The following MAGI2 variants were observed in gnomAD, a reference collection of about 807,000 sequenced individuals.
MAGI2 encodes membrane-associated guanylate kinase, WW and PDZ domain-containing protein 2.
In MAGI2, 35 loss-of-function variants were observed where a neutral mutation model predicts 133.3. The ratio of observed to expected loss-of-function variants is 0.26; its 90% confidence interval spans 0.20 to 0.35. The LOEUF is 0.35. MAGI2 is among the 10% of genes least tolerant of loss of function. The probability of loss-of-function intolerance (pLI) is 1.00; values close to 1 mark genes in which losing one functional copy is unlikely to be tolerated. For synonymous variants in MAGI2, 729 were observed against 710.6 expected, an observed-to-expected ratio of 1.03 and a Z score of -0.41; for missense variants, 1,636 against 1,863.4, an observed-to-expected ratio of 0.88 and a Z score of 2.25.
chr7:78,189,453 G>T (rs1351153782), intron 12 of MAGI2, among the ~76,000 whole-genome samples: 2 of 152,158 alleles, frequency 1.3e-5, no homozygotes, highest in African/African-American at 4.8e-5. Context: ...ACATTTCAGA[G>T]AAATTTCTGT....
intron 10 of MAGI2, among the ~76,000 whole-genome samples, chr7:78,225,421 T>C (rs1186926770): frequency 6.6e-6 from 1 of 152,140 alleles, no homozygotes; most frequent in Non-Finnish European, 1.5e-5. Flanking sequence ...ACAGTCACCA[T>C]TCACTGCAGC....
At chr7:78,984,357 A>G (rs1477807121) in intron 2 of MAGI2, among the ~76,000 whole-genome samples, 2 of 151,826 alleles carry the variant, frequency 1.3e-5, no homozygotes, top group Non-Finnish European at 2.9e-5. Flanking sequence ...AAAACCATCC[A>G]TCTCACTCAA....
intron 21 of MAGI2, chr7:78,072,851 A>C (rs191924296): frequency 2.5e-6 from 1 of 398,234 alleles, no homozygotes; most frequent in South Asian, 1.3e-4. Flanking sequence ...TGTAGAGACA[A>C]GGTCTCCCTA....
chr7:79,428,074 C>A (rs1847518642), intron 1 of MAGI2, among the ~76,000 whole-genome samples: 1 of 151,996 alleles, frequency 6.6e-6, no homozygotes, highest in Non-Finnish European at 1.5e-5. Context: ...ACTGGGAAAT[C>A]AAAAGGTAGA....
At chr7:78,726,359 A>G (rs1820808339) in intron 2 of MAGI2, among the ~76,000 whole-genome samples, 1 of 152,228 alleles carries the variant, frequency 6.6e-6, no homozygotes, top group African/African-American at 2.4e-5. Context: ...CATTATATCT[A>G]AATGTGCTAA....
chr7:78,213,767 G>T (rs1248872372), intron 10 of MAGI2, among the ~76,000 whole-genome samples: 1 of 152,230 alleles, frequency 6.6e-6, no homozygotes, highest in African/African-American at 2.4e-5. Flanking sequence ...TCATGCGACA[G>T]TGTTGGGGTG....
chr7:78,968,659 CATTA>C (rs1803529415), intron 2 of MAGI2, among the ~76,000 whole-genome samples: 1 of 151,996 alleles, frequency 6.6e-6, no homozygotes, highest in Non-Finnish European at 1.5e-5. Context: ...TACTATATCA[CATTA>C]AGCAAATATG....
chr7:79,313,802 C>CT (rs34753875), intron 1 of MAGI2, among the ~76,000 whole-genome samples: 89 of 138,668 alleles, frequency 6.4e-4, no homozygotes, highest in South Asian at 1.9e-3. Flanking sequence ...ATTTAATTTA[C>CT]TTTTTTTTTT....
chr7:78,490,475 T>C (rs933593610), intron 5 of MAGI2, among the ~76,000 whole-genome samples: 2 of 152,110 alleles, frequency 1.3e-5, no homozygotes, highest in Non-Finnish European at 2.9e-5. Flanking sequence ...AAAGTAATGA[T>C]AAAATAATAT....
rs75281251 is a variant in MAGI2, at chr7:78,448,661, C to G, written c.1045+41100G>C. 4.3e-3 allele frequency among the ~76,000 whole-genome samples: 657 copies of G among 152,134 alleles called. 5 individuals are homozygous for G. The highest frequency in any genetic ancestry group is 0.015 in the African/African-American group (606 of 41,520). The stretch of plus-strand genomic sequence containing the variant: ...TCTTGTCTTAAGACAGAATTTGGGT[C>G]CTCAAAATGAGACCTTCTCATGTTA... On this transcript the variant is annotated intron_variant, in intron 6 of 21. Transcript: ENST00000354212.
intron 3 of MAGI2, among the ~76,000 whole-genome samples, chr7:78,595,533 C>G (rs1371334761): frequency 2.6e-5 from 4 of 152,174 alleles, no homozygotes; most frequent in Non-Finnish European, 5.9e-5. Context: ...ATATTATGAT[C>G]AAATGTGAGT....
intron 2 of MAGI2, among the ~76,000 whole-genome samples, chr7:78,746,942 T>G (rs13233887): frequency 6.6e-6 from 1 of 152,230 alleles, no homozygotes; most frequent in African/African-American, 2.4e-5. Flanking sequence ...TTATTGTGTT[T>G]TATTTTGCCA....
chr7:78,647,268 C>G (rs547413407), intron 2 of MAGI2, among the ~76,000 whole-genome samples: 32 of 152,232 alleles, frequency 2.1e-4, no homozygotes, highest in Non-Finnish European at 4.3e-4. Context: ...GGGCTAATAT[C>G]CAGAATCTAC....
At chr7:79,108,516 AT>A (rs1322585917) in intron 1 of MAGI2, among the ~76,000 whole-genome samples, 2 of 152,122 alleles carry the variant, frequency 1.3e-5, no homozygotes, top group Admixed American at 6.5e-5. Context: ...TGCCAGTTTG[AT>A]TTTTTTCTCA....
intron 2 of MAGI2, among the ~76,000 whole-genome samples, chr7:78,990,800 A>G (rs1805685151): frequency 6.6e-6 from 1 of 152,128 alleles, no homozygotes; most frequent in African/African-American, 2.4e-5. Context: ...TACCACCTAT[A>G]TGTAACCTTG....
At chr7:78,979,317 G>A (rs1168593827) in intron 2 of MAGI2, among the ~76,000 whole-genome samples, 2 of 151,596 alleles carry the variant, frequency 1.3e-5, no homozygotes, top group East Asian at 3.9e-4. Context: ...GGAGCATCTT[G>A]ATTTTCCAGA....
chr7:78,448,715 T>C (rs566373513), intron 6 of MAGI2, among the ~76,000 whole-genome samples: 1 of 152,092 alleles, frequency 6.6e-6, no homozygotes, highest in African/African-American at 2.4e-5. Flanking sequence ...TATACAATAA[T>C]TTAAATATGT....
At chr7:78,586,064 G>A (rs990363413) in intron 3 of MAGI2, among the ~76,000 whole-genome samples, 1 of 152,162 alleles carries the variant, frequency 6.6e-6, no homozygotes, top group African/African-American at 2.4e-5. Context: ...ATGACCGAGT[G>A]CACCAAATTG....
intron 2 of MAGI2, among the ~76,000 whole-genome samples, chr7:78,966,348 C>G (rs1803302810): frequency 6.6e-6 from 1 of 152,100 alleles, no homozygotes; most frequent in African/African-American, 2.4e-5. Flanking sequence ...CCCTCTCCCT[C>G]TACTCCTGGC....
Sources: gnomAD v4.1 joint callset for allele counts (sites outside exome capture counted in the v4.1 genomes callset) on GRCh38, gnomAD v4.1.1 for gene constraint, MANE v1.5 for transcripts, NCBI Gene and HGNC (gene_info 2026-07-23, HGNC 2026-07-21) for gene names.